PDE1C: variants seen among roughly 807,000 people sequenced by gnomAD.
PDE1C encodes the protein dual specificity calcium/calmodulin-dependent 3',5'-cyclic nucleotide phosphodiesterase 1C.
A neutral mutation model predicts 93.1 loss-of-function variants in PDE1C; 62 were observed. That is an observed-to-expected ratio of 0.67 (90% CI 0.54 to 0.82). The LOEUF (loss-of-function observed/expected upper bound fraction) is 0.82, where lower values mean the gene tolerates loss of function less well. PDE1C is among the 40% of genes least tolerant of loss of function. The pLI is 0.00. For synonymous variants in PDE1C, 325 were observed against 310.1 expected (o/e 1.05, Z -0.50); for missense variants, 742 against 884.6 (o/e 0.84, Z 2.04).
intron 1 of PDE1C, among the ~76,000 whole-genome samples, chr7:32,307,543 C>T (rs1048453574): frequency 6.6e-6 from 1 of 152,180 alleles, no homozygotes; most frequent in East Asian, 1.9e-4. Flanking sequence ...ACTTTGAAAC[C>T]CTATCCTCTC....
At chr7:32,374,237 A>AG in intron 1 of PDE1C, among the ~76,000 whole-genome samples, 1 of 148,314 alleles carries the variant, frequency 6.7e-6, no homozygotes, top group African/African-American at 2.5e-5. Context: ...AGAAAAAGAA[A>AG]GAAGGAAGGA....
At chr7:31,936,668 T>G (rs6957568) in intron 2 of PDE1C, among the ~76,000 whole-genome samples, 9 of 152,096 alleles carry the variant, frequency 5.9e-5, no homozygotes, top group Non-Finnish European at 1.0e-4. Flanking sequence ...TCTGGTTTAA[T>G]GACTCATCAC....
the PDE1C span, among the ~76,000 whole-genome samples, chr7:31,667,952 G>GAT: frequency 6.6e-6 from 1 of 151,878 alleles, no homozygotes; most frequent in African/African-American, 2.4e-5. Flanking sequence ...GGAGAGGGAG[G>GAT]ATAGGCAATG....
At chr7:32,229,438 G>A (rs1390614610) in intron 1 of PDE1C, among the ~76,000 whole-genome samples, 1 of 152,216 alleles carries the variant, frequency 6.6e-6, no homozygotes, top group Non-Finnish European at 1.5e-5. Context: ...TTTGCACAAA[G>A]GAACATTTGG....
Position 32,245,532 on chromosome 7 carries a change from G to A in PDE1C, c.86-35993C>T, listed in dbSNP as rs1011674352. On this transcript the variant is annotated intron_variant, in intron 1 of 18. Transcript: ENST00000396193. ...CCACCTTCCCCTCCTCTACTATCCT[G>A]TCTTCTGCTCTCCAGAGAAGACCTA... Among the ~76,000 whole-genome samples the A allele has an allele frequency of 3.3e-5, 5 of 152,080 alleles. 1 individual carries two copies. In the South Asian group the frequency reaches 1.0e-3, roughly 32 times the overall value.
the PDE1C span, among the ~76,000 whole-genome samples, chr7:31,662,563 A>ATGTGTCTGTGTTGTATAAGTGTC: frequency 6.6e-6 from 1 of 150,672 alleles, no homozygotes; most frequent in Non-Finnish European, 1.5e-5. Flanking sequence ...GTATAAGTGT[A>ATGTGTCTGTGTTGTATAAGTGTC]TGTGTCTGTG....
intron 2 of PDE1C, among the ~76,000 whole-genome samples, chr7:31,883,444 C>T (rs1797490021): frequency 6.6e-6 from 1 of 152,160 alleles, no homozygotes; most frequent in Admixed American, 6.5e-5. Context: ...GCTGATAATA[C>T]AAGGACAACT....
chr7:31,768,928 C>T (rs1283357818), intron 17 of PDE1C, among the ~76,000 whole-genome samples: 7 of 151,964 alleles, frequency 4.6e-5, no homozygotes, highest in African/African-American at 1.5e-4. Flanking sequence ...CCTGAGTAGC[C>T]GGGACCACAG....
chr7:32,123,433 C>A (rs1799405798), intron 3 of PDE1C, among the ~76,000 whole-genome samples: 1 of 152,124 alleles, frequency 6.6e-6, no homozygotes, highest in South Asian at 2.1e-4. Context: ...AGACCAATAT[C>A]CCTGATGAAC....
upstream of PDE1C, chr7:32,071,465 T>G: frequency 1.0e-6 from 1 of 968,342 alleles, no homozygotes; most frequent in Non-Finnish European, 1.2e-6. Flanking sequence ...GCGCTCTCTC[T>G]CCTCCCTCAT....
chr7:32,144,909 C>T (rs1800745934), intron 3 of PDE1C, among the ~76,000 whole-genome samples: 1 of 152,198 alleles, frequency 6.6e-6, no homozygotes, highest in Non-Finnish European at 1.5e-5. Flanking sequence ...TTACTCCACC[C>T]TTACTCTCCC....
At chr7:31,725,925 G>A in the PDE1C span, among the ~76,000 whole-genome samples, 1 of 151,988 alleles carries the variant, frequency 6.6e-6, no homozygotes, top group African/African-American at 2.4e-5. Context: ...TTTTAAAAAA[G>A]AGAGAGAGAA....
intron 16 of PDE1C, chr7:31,787,886 AT>A (rs1784177801): frequency 6.6e-6 from 1 of 152,200 alleles, no homozygotes; most frequent in South Asian, 2.1e-4. Flanking sequence ...GCATCATATA[AT>A]ATAGCATTTT....
intron 14 of PDE1C, chr7:31,820,949 C>T (rs919420968): frequency 1.3e-5 from 2 of 150,794 alleles, no homozygotes; most frequent in Admixed American, 1.3e-4. Flanking sequence ...CATTATCATC[C>T]CCAAAGTGAG....
At chr7:32,082,944 A>G (rs10235820) in intron 3 of PDE1C, among the ~76,000 whole-genome samples, 90,878 of 133,970 alleles carry the variant, frequency 0.68, 28,988 homozygotes, top group African/African-American at 0.78. Flanking sequence ...AAAGCAGAGC[A>G]CCTCTCCTCC....
At chr7:32,240,155 C>T (rs1332024695) in intron 1 of PDE1C, among the ~76,000 whole-genome samples, 2 of 152,182 alleles carry the variant, frequency 1.3e-5, no homozygotes, top group African/African-American at 4.8e-5. Flanking sequence ...TGAGAGTTAC[C>T]TTTTATTCCT....
At chr7:32,304,893 G>A (rs529729920) in intron 1 of PDE1C, among the ~76,000 whole-genome samples, 7 of 151,898 alleles carry the variant, frequency 4.6e-5, no homozygotes, top group South Asian at 2.1e-4. Context: ...TTTTAACATC[G>A]TCGTCATCAC....
At position 32,020,051 on chromosome 7, in the gene PDE1C, A is replaced by T. The variant is rs371986121; in HGVS notation, c.128+31503T>A. Among the ~76,000 whole-genome samples the T allele has an allele frequency of 9.2e-5, 14 of 152,010 alleles. No individual in the cohort carries two copies. The East Asian group carries it at 2.3e-3, about 25-fold the overall frequency. On this transcript the variant is annotated intron_variant, in intron 2 of 17. Coordinates refer to ENST00000396191, the MANE Select transcript of PDE1C (RefSeq NM_001191057.4). ...AAGGGAATAAAGAGGAACAGGGCAG[A>T]CCCTATGGAACATGGGAAACTCAGG...
Position 31,814,413 on chromosome 7 carries a change from C to T in PDE1C, c.1813+1511G>A, listed in dbSNP as rs139068446. Among the ~76,000 whole-genome samples the T allele has an allele frequency of 2.3e-3, 353 of 152,054 alleles. 2 individuals are homozygous for T. Among genetic ancestry groups the T allele is most frequent in the African/African-American group, 8.0e-3 (332 of 41,508 alleles). Reference sequence around the variant, plus strand: ...GAGTCGGGACAATGGCCTTCTGTGCCTCCTAGGGTGGTCACCAGGATTAAC... The same window carrying T: ...GAGTCGGGACAATGGCCTTCTGTGCTTCCTAGGGTGGTCACCAGGATTAAC... On this transcript the variant is annotated intron_variant, in intron 15 of 17. Transcript: ENST00000396191.
Sources: gnomAD v4.1 joint callset for allele counts (sites outside exome capture counted in the v4.1 genomes callset) on GRCh38, gnomAD v4.1.1 for gene constraint, MANE v1.5 for transcripts, NCBI Gene and HGNC (gene_info 2026-07-23, HGNC 2026-07-21) for gene names.